Variants in AGMO observed in about 807,000 individuals in gnomAD.
AGMO encodes glyceryl-ether monooxygenase.
AGMO carries 75 observed loss-of-function variants against 60.2 expected under a neutral mutation model. The observed-to-expected ratio is 1.25, with a 90% CI of 1.03 to 1.51. The LOEUF (loss-of-function observed/expected upper bound fraction) is 1.51. Ranked by LOEUF, AGMO falls within the 40% of genes most tolerant of loss-of-function variation. AGMO has a pLI of 0.00. For missense variants in AGMO, 763 were observed against 525.5 expected, an observed-to-expected ratio of 1.45 and a Z score of -4.42; for synonymous variants, 261 against 177.1, an observed-to-expected ratio of 1.47 and a Z score of -3.76.
intron 12 of AGMO, among the ~76,000 whole-genome samples, chr7:15,272,993 G>A (rs1469094802): frequency 6.6e-6 from 1 of 151,402 alleles, no homozygotes; most frequent in Non-Finnish European, 1.5e-5. Flanking sequence ...TTTTTTTCTT[G>A]TAAATTTGGG....
chr7:15,302,123 T>C (rs1453317117), intron 12 of AGMO, among the ~76,000 whole-genome samples: 1 of 151,604 alleles, frequency 6.6e-6, no homozygotes, highest in African/African-American at 2.4e-5. Flanking sequence ...TAATTCACAA[T>C]CAAAACATTA....
chr7:15,329,146 CTT>C (rs1781429032), intron 12 of AGMO, among the ~76,000 whole-genome samples: 1 of 152,126 alleles, frequency 6.6e-6, no homozygotes, highest in Non-Finnish European at 1.5e-5. Context: ...ATTTTATTAA[CTT>C]ATTGCTAGAA....
intron 2 of AGMO, among the ~76,000 whole-genome samples, chr7:15,546,717 TG>T (rs1467911071): frequency 1.3e-5 from 2 of 152,196 alleles, no homozygotes; most frequent in Non-Finnish European, 1.5e-5. Context: ...AAGGAATCTA[TG>T]AAATGAACAC....
At chr7:15,427,984 A>ACTTAATTTCACATTTCAGTGTGAAATGAG (rs1781117029) in intron 4 of AGMO, among the ~76,000 whole-genome samples, 2 of 146,768 alleles carry the variant, frequency 1.4e-5, no homozygotes, top group Non-Finnish European at 3.0e-5. Flanking sequence ...GAAGAAATAT[A>ACTTAATTTCACATTTCAGTGTGAAATGAG]CTTAATTTCA....
At chr7:15,273,850 T>G (rs995643029) in intron 12 of AGMO, among the ~76,000 whole-genome samples, 1 of 152,196 alleles carries the variant, frequency 6.6e-6, no homozygotes, top group East Asian at 1.9e-4. Context: ...CCCTTGTAAG[T>G]TGGATTCCTA....
chr7:15,306,802 T>C (rs990347795), intron 12 of AGMO, among the ~76,000 whole-genome samples: 7 of 151,982 alleles, frequency 4.6e-5, no homozygotes, highest in African/African-American at 1.4e-4. Flanking sequence ...GTATGCCACA[T>C]TGGAAAGGGC....
chr7:15,492,624 TA>T (rs1377949161), intron 3 of AGMO, among the ~76,000 whole-genome samples: 2 of 141,916 alleles, frequency 1.4e-5, no homozygotes, highest in Admixed American at 7.2e-5. Context: ...TTATTATTAT[TA>T]ATTAATTTTT....
At chr7:15,178,131 G>A in the AGMO span, among the ~76,000 whole-genome samples, 2 of 151,974 alleles carry the variant, frequency 1.3e-5, no homozygotes, top group African/African-American at 2.4e-5. Flanking sequence ...TGCCCTTTTG[G>A]GGGAGTGGAA....
chr7:15,295,648 T>C (rs1363651996), intron 12 of AGMO, among the ~76,000 whole-genome samples: 2 of 152,090 alleles, frequency 1.3e-5, no homozygotes, highest in Non-Finnish European at 2.9e-5. Flanking sequence ...TGAAAGTTAA[T>C]GGGCAACTAT....
rs190932989 is a variant in AGMO, at chr7:15,447,284, T to C, written c.410-16176A>G. Among the ~76,000 whole-genome samples, 92 of 152,322 alleles carry C rather than the reference T, an allele frequency of 6.0e-4. 1 individual carries two copies. The highest frequency in any genetic ancestry group is 2.1e-3 in the African/African-American group (86 of 41,576). ...GTTTAGTGATCAATTGTGTTAATAA[T>C]AGCAATTGTCAGTATGCATTTTAGA... On this transcript the variant is annotated intron_variant, in intron 3 of 12. Coordinates refer to ENST00000342526, the MANE Select transcript of AGMO (RefSeq NM_001004320.2).
intron 12 of AGMO, among the ~76,000 whole-genome samples, chr7:15,340,341 G>C (rs899798111): frequency 2.6e-5 from 4 of 152,174 alleles, no homozygotes; most frequent in Non-Finnish European, 5.9e-5. Context: ...GAGTATGTCA[G>C]ATTTTGAATT....
intron 12 of AGMO, among the ~76,000 whole-genome samples, chr7:15,239,366 T>C (rs573710711): frequency 7.9e-4 from 120 of 152,148 alleles, no homozygotes; most frequent in Non-Finnish European, 1.4e-3. Flanking sequence ...GATGGATTGA[T>C]TGGGAAGTTC....
intron 12 of AGMO, among the ~76,000 whole-genome samples, chr7:15,320,197 C>T (rs1781066193): frequency 6.6e-6 from 1 of 151,902 alleles, no homozygotes; most frequent in African/African-American, 2.4e-5. Flanking sequence ...ACCACCACGG[C>T]ACACGTATAC....
intron 3 of AGMO, 57 bp downstream of exon 3, chr7:15,544,715 C>A: frequency 7.4e-7 from 1 of 1,357,302 alleles, no homozygotes; most frequent in South Asian, 1.9e-5. Flanking sequence ...TGAATATGTA[C>A]TATGTACCAA....
At chr7:15,391,220 A>ATTAT (rs1233518337) in intron 6 of AGMO, among the ~76,000 whole-genome samples, 12 of 152,124 alleles carry the variant, frequency 7.9e-5, no homozygotes, top group African/African-American at 2.9e-4. Flanking sequence ...AAAATTAAGA[A>ATTAT]TTAAATGATA....
chr7:15,395,458 A>T (rs947537650), intron 5 of AGMO, among the ~76,000 whole-genome samples: 1 of 151,338 alleles, frequency 6.6e-6, no homozygotes, highest in African/African-American at 2.5e-5. Context: ...AATTTATAAT[A>T]AACAGGGTAT....
chr7:15,514,386 C>T (rs1006999356), intron 3 of AGMO, among the ~76,000 whole-genome samples: 3 of 152,000 alleles, frequency 2.0e-5, no homozygotes, highest in African/African-American at 4.8e-5. Flanking sequence ...AAACAATGAC[C>T]GTAGTATGAA....
intron 12 of AGMO, among the ~76,000 whole-genome samples, chr7:15,295,419 A>G (rs115934224): frequency 0.013 from 1,933 of 152,228 alleles, 52 homozygotes; most frequent in African/African-American, 0.044. Context: ...GACATTAAAC[A>G]AGATGAGAAA....
At position 15,201,306 on chromosome 7, in the gene AGMO, G is replaced by A. The variant is rs1350424553; in HGVS notation, c.1317C>T (p.Leu439=). The A allele has an allele frequency of 6.2e-7, 1 of 1,612,390 alleles. No homozygotes were observed. The highest frequency in any genetic ancestry group is 8.5e-7 in the Non-Finnish European group (1 of 1,179,194). The part of the protein sequence containing the change: ...AFWGVRSMKQ[L]TSHPWK ...CAGGTTATTTCCAAGGGTGAGAGGT[G>A]AGTTGTTTCATGCTTCTAACTCCCC... Residue 439 remains leucine, a synonymous_variant, in exon 13 of 13, where the codon CTC becomes CTT. Transcript: ENST00000342526.
Sources: allele counts gnomAD v4.1 joint callset (sites outside exome capture counted in the v4.1 genomes callset), GRCh38; gene constraint gnomAD v4.1.1; transcripts MANE v1.5; gene names NCBI Gene and HGNC (gene_info 2026-07-23, HGNC 2026-07-21).